Variants in SYNE2 observed in about 807,000 individuals in gnomAD.
SYNE2 encodes the protein nesprin-2.
In SYNE2, 431 loss-of-function variants were observed where a neutral mutation model predicts 856.3. The observed-to-expected ratio is 0.50, with a 90% confidence interval of 0.47 to 0.55. The LOEUF is 0.55. SYNE2 is among the 20% of genes least tolerant of loss of function. The probability of loss-of-function intolerance (pLI) is 0.00; values close to 1 mark genes in which losing one functional copy is unlikely to be tolerated. For synonymous variants in SYNE2, 2,923 were observed against 2,872.3 expected (o/e 1.02, Z -0.56); for missense variants, 8,129 against 8,023.2 (o/e 1.01, Z -0.50).
chr14:63,790,503 G>C (rs771448140), intron 1 of SYNE2, among the ~76,000 whole-genome samples: 1 of 152,040 alleles, frequency 6.6e-6, no homozygotes, highest in Non-Finnish European at 1.5e-5. Context: ...TTTCCATAAA[G>C]AATACCTTTT....
intron 66 of SYNE2, among the ~76,000 whole-genome samples, chr14:64,117,600 A>G (rs1053455019): frequency 5.3e-5 from 8 of 152,104 alleles, no homozygotes; most frequent in Admixed American, 4.6e-4. Flanking sequence ...CTAGGCCTCA[A>G]TTTATGTTTT....
intron 99 of SYNE2, among the ~76,000 whole-genome samples, chr14:64,193,905 G>T (rs536025408): frequency 6.6e-6 from 1 of 152,342 alleles, no homozygotes; most frequent in South Asian, 2.1e-4. Flanking sequence ...GGAAACTGCA[G>T]CTCAGAGAAG....
intron 96 of SYNE2, among the ~76,000 whole-genome samples, chr14:64,185,371 C>G (rs1400627955): frequency 6.6e-6 from 1 of 152,050 alleles, no homozygotes; most frequent in Non-Finnish European, 1.5e-5. Context: ...ATTGTAAGCA[C>G]AATAAAAATC....
intron 31 of SYNE2, among the ~76,000 whole-genome samples, chr14:64,008,510 C>T (rs1030776080): frequency 2.0e-5 from 3 of 152,112 alleles, no homozygotes; most frequent in African/African-American, 7.2e-5. Context: ...CCTATCAGTC[C>T]CAGTTGGCAA....
intron 1 of SYNE2, among the ~76,000 whole-genome samples, chr14:63,907,019 A>C (rs1345198115): frequency 6.6e-6 from 1 of 152,106 alleles, no homozygotes; most frequent in African/African-American, 2.4e-5. Context: ...CCCACCTCCT[A>C]ATACCGTGAC....
intron 1 of SYNE2, among the ~76,000 whole-genome samples, chr14:63,782,585 A>G (rs1450410175): frequency 1.3e-5 from 2 of 151,974 alleles, no homozygotes; most frequent in Admixed American, 1.3e-4. Context: ...ATAAATAATG[A>G]TAGAAATGGA....
rs547249671 is a variant in SYNE2, at chr14:63,888,401, G to A, written c.-51-20697G>A. ...CCCTGCTTCTCTCACCATGAGCTGGGATCTTGAGGCCAGGCTTGGTTATAT... is the reference window on the plus strand; with the variant it reads ...CCCTGCTTCTCTCACCATGAGCTGGAATCTTGAGGCCAGGCTTGGTTATAT... On this transcript the variant is annotated intron_variant, in intron 1 of 115. Coordinates refer to ENST00000555002, the MANE Select transcript of SYNE2 (RefSeq NM_182914.3). Among the ~76,000 whole-genome samples, 74 of 152,212 alleles carry A rather than the reference G, an allele frequency of 4.9e-4. 3 individuals carry two copies. In the South Asian group the frequency reaches 0.014, roughly 28 times the overall value.
At position 64,173,048 on chromosome 14, in the gene SYNE2, G is replaced by A. The variant is rs549105091; in HGVS notation, c.17236-1896G>A. Among the ~76,000 whole-genome samples, 20 of 152,308 alleles carry A rather than the reference G, an allele frequency of 1.3e-4. 1 individual carries two copies. The South Asian group carries it at 3.5e-3, about 27-fold the overall frequency. ...GTCTTCTTTTCTGCAATAAGATAAT[G>A]AGGTAACAGGGAGGGAAAGAAAAAA... On this transcript the variant is annotated intron_variant, in intron 94 of 115. Transcript: ENST00000555002.
At chr14:64,033,718 T>A (rs2097060996) in intron 45 of SYNE2, among the ~76,000 whole-genome samples, 2 of 152,044 alleles carry the variant, frequency 1.3e-5, no homozygotes, top group Admixed American at 1.3e-4. Context: ...TTAAAAAATT[T>A]ATTATGCTTT....
chr14:64,069,789 A>C (rs2097389805), intron 51 of SYNE2, among the ~76,000 whole-genome samples: 1 of 152,208 alleles, frequency 6.6e-6, no homozygotes, highest in Admixed American at 6.5e-5. Flanking sequence ...AGCCTCTGGC[A>C]TGTCTGACTG....
rs551007724 is a variant in SYNE2, at chr14:64,141,494, C to T, written c.15130C>T (p.Leu5044Phe). ...EQKWTMLITQLPDIQEKLHQL... is the reference protein window; with the variant it reads ...EQKWTMLITQFPDIQEKLHQL... ...AAAATGGACAATGCTCATAACTCAA[C>T]TTCCAGATATTCAAGAAAAACTTCA... The change falls in exon 81 of 116, where the codon CTT (leucine) becomes TTT (phenylalanine). Residue 5044 changes from leucine (L) to phenylalanine (F), a missense_variant. By Grantham distance (22) the Leu-to-Phe change is conservative. Coordinates refer to ENST00000555002, the MANE Select transcript of SYNE2 (RefSeq NM_182914.3). 2.4e-5 allele frequency: 38 copies of T among 1,613,962 alleles called. 1 individual carries two copies. Among genetic ancestry groups the T allele is most frequent in the Admixed American group, 3.3e-5 (2 of 60,014 alleles).
intron 1 of SYNE2, among the ~76,000 whole-genome samples, chr14:63,802,702 G>A (rs183234134): frequency 6.6e-6 from 1 of 152,280 alleles, no homozygotes; most frequent in Non-Finnish European, 1.5e-5. Context: ...AACGTGGCGC[G>A]TCTGGAGTCT....
In SYNE2 at chr14:64,175,019, A is replaced by G; in HGVS notation, c.17311A>G (p.Thr5771Ala). The G allele has an allele frequency of 6.2e-7, 1 of 1,614,194 alleles. No homozygotes were observed. The highest frequency in any genetic ancestry group is 2.2e-5 in the East Asian group (1 of 44,882). ...TLEAGEKLLLTTDLKTKESVG... is the reference protein window; with the variant it reads ...TLEAGEKLLLATDLKTKESVG... The stretch of plus-strand genomic sequence containing the variant: ...GGAAGCTGGAGAAAAGTTACTGCTC[A>G]CAACTGACCTGAAAACTAAAGAGTC... Residue 5771 changes from threonine (T) to alanine (A), a missense_variant, in exon 95 of 116, where the codon ACA becomes GCA. Transcript: ENST00000555002.
chr14:63,979,761 G>A (rs908810054), intron 14 of SYNE2, among the ~76,000 whole-genome samples: 3 of 152,150 alleles, frequency 2.0e-5, no homozygotes, highest in East Asian at 1.9e-4. Context: ...TTAGCTGGGC[G>A]TGGTTGTAGG....
intron 99 of SYNE2, 77 bp downstream of exon 99, chr14:64,190,314 TC>T: frequency 6.4e-7 from 1 of 1,572,786 alleles, no homozygotes; most frequent in Non-Finnish European, 8.7e-7. Flanking sequence ...AACCCAGTCT[TC>T]CTCTAAGATG....
chr14:63,876,655 T>A (rs1218296931), intron 1 of SYNE2, among the ~76,000 whole-genome samples: 1 of 151,916 alleles, frequency 6.6e-6, no homozygotes, highest in Non-Finnish European at 1.5e-5. Context: ...GCCCGGCTAA[T>A]TTTTGTGTTT....
intron 76 of SYNE2, among the ~76,000 whole-genome samples, chr14:64,130,536 G>A (rs1198217118): frequency 6.6e-6 from 1 of 152,142 alleles, no homozygotes; most frequent in Non-Finnish European, 1.5e-5. Context: ...AAATTAAAAT[G>A]AGGATACATT....
At chr14:64,082,673 A>G (rs1258420270) in intron 57 of SYNE2, among the ~76,000 whole-genome samples, 1 of 152,232 alleles carries the variant, frequency 6.6e-6, no homozygotes, top group African/African-American at 2.4e-5. Context: ...GCTCCCTGTA[A>G]GGAGGACTCA....
chr14:64,188,386 C>T (rs1157553446), intron 97 of SYNE2, among the ~76,000 whole-genome samples, 164 bp from the exon 98 acceptor site: 2 of 152,124 alleles, frequency 1.3e-5, no homozygotes, highest in Non-Finnish European at 2.9e-5. Context: ...GTGTAAGGAA[C>T]TTCTGTTGAT....
Sources: allele counts gnomAD v4.1 joint callset (sites outside exome capture counted in the v4.1 genomes callset), GRCh38; gene constraint gnomAD v4.1.1; transcripts MANE v1.5; gene names NCBI Gene and HGNC (gene_info 2026-07-23, HGNC 2026-07-21).